The following SF3A1 variants were observed in gnomAD, a reference collection of about 807,000 sequenced individuals.
SF3A1 encodes the protein SAP 114.
Under a neutral mutation model 89.9 loss-of-function variants are expected in SF3A1, and 13 were observed. The observed-to-expected ratio is 0.14, with a 90% CI of 0.09 to 0.23. The LOEUF (loss-of-function observed/expected upper bound fraction) is 0.23. Among genes scored for constraint, SF3A1 ranks in the 10% least tolerant of loss-of-function variants. The probability of loss-of-function intolerance (pLI) is 1.00; values close to 1 mark genes in which losing one functional copy is unlikely to be tolerated. For missense variants in SF3A1, 604 were observed against 1,022.1 expected, an observed-to-expected ratio of 0.59 and a Z score of 5.58; for synonymous variants, 405 against 374.4, an observed-to-expected ratio of 1.08 and a Z score of -0.94.
At chr22:30,339,706 C>T (rs1931187885) in intron 9 of SF3A1, among the ~76,000 whole-genome samples, 1 of 152,162 alleles carries the variant, frequency 6.6e-6, no homozygotes, top group Non-Finnish European at 1.5e-5. Context: ...CAGTAGCCAA[C>T]ATGGAGCCAC....
intron 13 of SF3A1, among the ~76,000 whole-genome samples, chr22:30,336,471 CA>C (rs374189191): frequency 7.7e-4 from 117 of 152,286 alleles, no homozygotes; most frequent in African/African-American, 2.7e-3. Flanking sequence ...GTTGCAAAAA[CA>C]AAACGAAACA....
rs1050956702 is a variant in SF3A1, at chr22:30,340,388, G to A, written c.1190-7C>T. On this transcript the variant is annotated splice_polypyrimidine_tract_variant and splice_region_variant and intron_variant, in intron 8 of 15. Coordinates refer to ENST00000215793, the MANE Select transcript of SF3A1 (RefSeq NM_005877.6). ...GGAGGCAAGGGCTTGGAGGCTAAAA[G>A]GAAACAGATGTTTCAGTAAGAACAC... 2 of 1,611,160 alleles carry A rather than the reference G, an allele frequency of 1.2e-6. No homozygotes were observed. The highest frequency in any genetic ancestry group is 3.4e-5 in the Admixed American group (2 of 58,830).
chr22:30,337,017 A>G lies in SF3A1; in HGVS notation c.2106+9T>C, dbSNP rs746793547. The stretch of plus-strand genomic sequence containing the variant: ...CTAGAAACTTCAGCAGCATTCTGGG[A>G]TTACATACCTTGTTTCTGCGCAGGA... On this transcript the variant is annotated intron_variant, in intron 13 of 15. Coordinates refer to ENST00000215793, the MANE Select transcript of SF3A1 (RefSeq NM_005877.6). The G allele has an allele frequency of 1.2e-6, 2 of 1,614,084 alleles. No individual in the cohort carries two copies. The highest frequency in any genetic ancestry group is 2.2e-5 in the South Asian group (2 of 91,084).
chr22:30,342,923 G>T, intron 4 of SF3A1, 44 bp from the exon 5 acceptor site: 1 of 1,306,876 alleles, frequency 7.7e-7, no homozygotes, highest in Non-Finnish European at 1.1e-6. Flanking sequence ...GCTTTACAAC[G>T]CAGTACAAAG....
At chr22:30,345,996 C>T (rs1216507306) in intron 3 of SF3A1, among the ~76,000 whole-genome samples, 1 of 152,140 alleles carries the variant, frequency 6.6e-6, no homozygotes, top group African/African-American at 2.4e-5. Flanking sequence ...ACGGCACTGC[C>T]CTCACACCCT....
chr22:30,343,770 C>T (rs1432363847), intron 4 of SF3A1, among the ~76,000 whole-genome samples: 1 of 152,140 alleles, frequency 6.6e-6, no homozygotes, highest in Non-Finnish European at 1.5e-5. Context: ...TTATAGAAAC[C>T]CTTGGGCCTT....
Position 30,342,792 on chromosome 22 carries a change from C to T in SF3A1, c.726+13G>A. ...CACCAGTAACTGGTTGCAAGAAATG[C>T]TATTCAGTTTACCTGATCCAAAACT... On this transcript the variant is annotated intron_variant, in intron 5 of 15. Coordinates refer to ENST00000215793, the MANE Select transcript of SF3A1 (RefSeq NM_005877.6). 1 of 1,558,178 alleles carries T rather than the reference C, an allele frequency of 6.4e-7. No individual in the cohort carries two copies. The highest frequency in any genetic ancestry group is 8.8e-7 in the Non-Finnish European group (1 of 1,130,240).
At position 30,337,206 on chromosome 22, in the gene SF3A1, C is replaced by G. The variant is rs996213199; in HGVS notation, c.1952-26G>C. 2.5e-6 allele frequency: 4 copies of G among 1,583,764 alleles called. No individual in the cohort carries two copies. In the Admixed American group the frequency reaches 7.1e-5, roughly 28 times the overall value. ...CTGCAAAGACAAGAATAAGCAGCCCCATGAGAGGGCAGAAGGGGCCCAGGA... is the reference window on the plus strand; with the variant it reads ...CTGCAAAGACAAGAATAAGCAGCCCGATGAGAGGGCAGAAGGGGCCCAGGA... On this transcript the variant is annotated intron_variant, in intron 12 of 15. Transcript: ENST00000215793.
At chr22:30,353,303 C>A (rs1931656826) in intron 1 of SF3A1, among the ~76,000 whole-genome samples, 1 of 152,204 alleles carries the variant, frequency 6.6e-6, no homozygotes, top group Non-Finnish European at 1.5e-5. Context: ...TCTCACTGGA[C>A]TATCTCAGTG....
chr22:30,356,649 G>T, intron 1 of SF3A1, 81 bp downstream of exon 1: 3 of 1,122,112 alleles, frequency 2.7e-6, no homozygotes, highest in Non-Finnish European at 3.6e-6. Context: ...CCTTCATAGC[G>T]GCCGGCCGCT....
At position 30,332,241 on chromosome 22, in the gene SF3A1, C is replaced by G. The variant is rs538012300; in HGVS notation, c.*2353G>C. ...TAAAATGGTTCTGATCATTACTGGC[C>G]TCCTCTAAGAGTACATGACAAGTAC... On this transcript the variant is annotated 3_prime_UTR_variant, in exon 16 of 16. Coordinates refer to ENST00000215793, the MANE Select transcript of SF3A1 (RefSeq NM_005877.6). 2 of 152,238 alleles carry G rather than the reference C, an allele frequency of 1.3e-5. No individual in the cohort carries two copies. The highest frequency in any genetic ancestry group is 1.3e-4 in the Admixed American group (2 of 15,298). 9.4% of individuals were successfully genotyped at this position (152,238 alleles called of 1,614,324 possible). A position where few individuals can be genotyped will look rare whatever the true frequency, so the allele number is the denominator to read the frequency against.
chr22:30,336,687 C>T (rs749515932), intron 13 of SF3A1, among the ~76,000 whole-genome samples: 1 of 152,148 alleles, frequency 6.6e-6, no homozygotes. Flanking sequence ...ACACCACACA[C>T]AATTTCCTCC....
At chr22:30,354,206 T>G (rs1203328910) in intron 1 of SF3A1, among the ~76,000 whole-genome samples, 2 of 152,192 alleles carry the variant, frequency 1.3e-5, no homozygotes, top group Admixed American at 6.5e-5. Flanking sequence ...TCTGCCTTCA[T>G]GTTCTTTTCT....
At chr22:30,344,844 T>C (rs1016110565) in intron 4 of SF3A1, 89 bp downstream of exon 4, 2 of 1,474,404 alleles carry the variant, frequency 1.4e-6, no homozygotes, top group Non-Finnish European at 1.9e-6. Flanking sequence ...AGCGATGTCC[T>C]TGTAGACAGT....
rs1931646855 is a variant in SF3A1, at chr22:30,352,964, T to C, written c.172A>G (p.Ser58Gly). 1.1e-5 allele frequency: 17 copies of C among 1,614,074 alleles called. No homozygotes were observed. The highest frequency in any genetic ancestry group is 1.4e-5 in the Non-Finnish European group (16 of 1,180,006). ...TAGCTCTGTTACCTGGCCACAAAGC[T>C]GGCAGTCTTGTCAACAATATTTCTG... ...EVRNIVDKTA[S>G]FVARNGPEFE... is the part of the protein sequence containing the mutation. The change falls in exon 2 of 16, where the codon AGC becomes GGC. Residue 58 changes from serine to glycine, a missense_variant. Physicochemically the swap from Ser to Gly is moderately conservative, Grantham distance 56. Around this residue, in one of 9 missense-constraint regions of SF3A1, gnomAD observed 9 missense variants for 48.6 expected, o/e 0.19. Transcript: ENST00000215793.
intron 13 of SF3A1, among the ~76,000 whole-genome samples, chr22:30,336,496 C>G (rs1931070745): frequency 6.6e-6 from 1 of 152,140 alleles, no homozygotes; most frequent in South Asian, 2.1e-4. Context: ...TGGTCAAATA[C>G]ATTGGGGGAG....
chr22:30,352,253 G>GAGAC (rs1931622047), intron 2 of SF3A1, among the ~76,000 whole-genome samples: 1 of 152,062 alleles, frequency 6.6e-6, no homozygotes, highest in African/African-American at 2.4e-5. Context: ...TCCATCTGAG[G>GAGAC]AGACGGCTAG....
chr22:30,347,396 G>C (rs1421061787), intron 2 of SF3A1, among the ~76,000 whole-genome samples: 1 of 152,124 alleles, frequency 6.6e-6, no homozygotes, highest in East Asian at 1.9e-4. Flanking sequence ...GCCCACACAG[G>C]AAACATCCTC....
In SF3A1 at chr22:30,339,196, G is replaced by A. The variant is rs186048479; in HGVS notation, c.1431C>T (p.Phe477=). ...TACCAATGGCTGTTTCCTCTACACC[G>A]AAGATGTCAGTACGCCGCTCAGCCA... ...KQLAERRTDI[F]GVEETAIGKK... The change falls in exon 10 of 16, where the codon TTC becomes TTT. Residue 477 remains phenylalanine, a synonymous_variant. Transcript: ENST00000215793. 23 of 1,614,112 alleles carry A rather than the reference G, an allele frequency of 1.4e-5. No individual in the cohort carries two copies. The highest frequency in any genetic ancestry group is 8.9e-5 in the East Asian group (4 of 44,890).
Sources: allele counts gnomAD v4.1 joint callset (sites outside exome capture counted in the v4.1 genomes callset), GRCh38; gene constraint gnomAD v4.1.1; regional missense constraint gnomAD v4.1.1; transcripts MANE v1.5; gene names NCBI Gene and HGNC (gene_info 2026-07-23, HGNC 2026-07-21).